NAA40: variants seen among roughly 807,000 people sequenced by gnomAD.
NAA40 encodes N-alpha-acetyltransferase 40.
A neutral mutation model predicts 36.6 loss-of-function variants in NAA40; 26 were observed. That is an observed-to-expected ratio of 0.71 (90% CI 0.52 to 0.98). The LOEUF (loss-of-function observed/expected upper bound fraction) is 0.98. NAA40 is among the 50% of genes least tolerant of loss of function. The pLI is 0.00. For missense variants in NAA40, 237 were observed against 306.5 expected (o/e 0.77, Z 1.69); for synonymous variants, 129 against 108.4 (o/e 1.19, Z -1.18).
chr11:63,950,921 G>A (rs1366182599), intron 3 of NAA40, among the ~76,000 whole-genome samples: 2 of 152,160 alleles, frequency 1.3e-5, no homozygotes, highest in African/African-American at 4.8e-5. Flanking sequence ...TGGAGAATTC[G>A]TACCTGCAGG....
chr11:63,942,795 A>T (rs772494895), intron 1 of NAA40, among the ~76,000 whole-genome samples: 1 of 152,128 alleles, frequency 6.6e-6, no homozygotes, highest in East Asian at 1.9e-4. Flanking sequence ...CAGGCAGCGG[A>T]GCTCGTAAGG....
intron 1 of NAA40, among the ~76,000 whole-genome samples, chr11:63,939,722 G>C (rs1276317786): frequency 6.6e-6 from 1 of 152,158 alleles, no homozygotes; most frequent in African/African-American, 2.4e-5. Flanking sequence ...GACGCCTCCT[G>C]GTTGCAATGA....
At chr11:63,944,352 A>G (rs1159681017) in intron 1 of NAA40, among the ~76,000 whole-genome samples, 1 of 152,164 alleles carries the variant, frequency 6.6e-6, no homozygotes, top group Non-Finnish European at 1.5e-5. Context: ...GGGAGGTGTC[A>G]AAAGAGGCTG....
chr11:63,947,615 A>G (rs1364706075), intron 3 of NAA40, among the ~76,000 whole-genome samples: 1 of 151,328 alleles, frequency 6.6e-6, no homozygotes, highest in African/African-American at 2.4e-5. Context: ...CAGTGACGCA[A>G]TCTCGGCTCA....
At chr11:63,950,654 G>T (rs1942265526) in intron 3 of NAA40, among the ~76,000 whole-genome samples, 1 of 151,648 alleles carries the variant, frequency 6.6e-6, no homozygotes, top group Non-Finnish European at 1.5e-5. Context: ...ATTAAAGATG[G>T]GGTTTCACTA....
rs1942357869 is a variant in NAA40 at position 63,955,917 on chromosome 11, C to G, written c.*1438C>G. 1 of 152,342 alleles carries G rather than the reference C, an allele frequency of 6.6e-6. No homozygotes were observed. The highest frequency in any genetic ancestry group is 1.5e-5 in the Non-Finnish European group (1 of 68,102). 9.4% of individuals were successfully genotyped at this position (152,342 alleles called of 1,614,324 possible). Reference sequence around the variant, plus strand: ...AGGTTCTAGCCTTCGTGAAGTTGTTCTCGTGGAGGTCTGTTGGTCCCTCTG... The same window carrying G: ...AGGTTCTAGCCTTCGTGAAGTTGTTGTCGTGGAGGTCTGTTGGTCCCTCTG... On this transcript the variant is annotated 3_prime_UTR_variant, in exon 8 of 8. Transcript: ENST00000377793.
intron 2 of NAA40, 165 bp from the exon 3 acceptor site, chr11:63,946,786 C>T: frequency 1.3e-6 from 2 of 1,543,808 alleles, no homozygotes; most frequent in Non-Finnish European, 8.7e-7. Context: ...CATGTGACTT[C>T]AGAGCTAGGC....
chr11:63,940,953 C>CTG (rs1942099243), intron 1 of NAA40, among the ~76,000 whole-genome samples: 1 of 152,156 alleles, frequency 6.6e-6, no homozygotes, highest in South Asian at 2.1e-4. Context: ...CCAGAAGCAG[C>CTG]CACTGCGGAT....
chr11:63,939,289 T>A, intron 1 of NAA40, 187 bp downstream of exon 1: 1 of 1,263,852 alleles, frequency 7.9e-7, no homozygotes, highest in Non-Finnish European at 1.0e-6. Context: ...GGGAATCCTC[T>A]GGAGAGCCCC....
chr11:63,940,092 C>T (rs1005332418), intron 1 of NAA40, among the ~76,000 whole-genome samples: 3 of 127,610 alleles, frequency 2.4e-5, no homozygotes, highest in Admixed American at 1.1e-4. Flanking sequence ...CTCTTGTCGC[C>T]GAAGCTGGAG....
intron 3 of NAA40, among the ~76,000 whole-genome samples, chr11:63,951,437 A>G (rs1368498977): frequency 2.0e-5 from 3 of 151,966 alleles, no homozygotes; most frequent in Non-Finnish European, 4.4e-5. Context: ...TCCGCCTCCC[A>G]GGTTCAAGCG....
chr11:63,952,780 G>C lies in NAA40; in HGVS notation c.435G>C (p.Lys145Asn). 6.2e-7 allele frequency: 1 copy of C among 1,614,140 alleles called. No individual in the cohort carries two copies. The highest frequency in any genetic ancestry group is 8.5e-7 in the Non-Finnish European group (1 of 1,180,036). ...LYCYEVQLES[K>N]VRRKGLGKFL... ...GCTATGAAGTGCAGTTGGAAAGCAA[G>C]GTGCGGCGGAAAGGCCTGGGGAAGT... The change falls in exon 6 of 8, where the codon AAG becomes AAC. Residue 145 changes from lysine (K) to asparagine (N), a missense_variant. Transcript: ENST00000377793.
At chr11:63,946,238 C>T in intron 2 of NAA40, 1 of 339,698 alleles carries the variant, frequency 2.9e-6, no homozygotes, top group Non-Finnish European at 5.5e-6. Flanking sequence ...CAGGGTCTCA[C>T]TCTGTCATCC....
Position 63,956,136 on chromosome 11 carries a change from G to GCTTAGAGA in NAA40, c.*1657_*1658insCTTAGAGA, listed in dbSNP as rs1356224040. On this transcript the variant is annotated 3_prime_UTR_variant, in exon 8 of 8. Coordinates refer to ENST00000377793, the MANE Select transcript of NAA40 (RefSeq NM_024771.4). ...GCTCTTGATGGGCAGCAGTGGGACT[G>GCTTAGAGA]GGAACTCCTTAGAGAGGGCCTTGCA... The GCTTAGAGA allele has an allele frequency of 6.5e-6, 1 of 152,728 alleles. No individual in the cohort carries two copies. Among genetic ancestry groups the GCTTAGAGA allele is most frequent in the African/African-American group, 2.4e-5 (1 of 41,450 alleles). 9.5% of individuals were successfully genotyped at this position (152,728 alleles called of 1,614,324 possible).
intron 2 of NAA40, chr11:63,946,533 G>T: frequency 3.5e-6 from 4 of 1,146,550 alleles, no homozygotes; most frequent in African/African-American, 3.2e-5. Context: ...CCCATTTTTT[G>T]GTCATTCTTT....
rs1249864439 is a variant in NAA40 at position 63,946,032 on chromosome 11, A to C, written c.102+97A>C. 21 of 1,062,854 alleles carry C rather than the reference A, an allele frequency of 2.0e-5. No homozygotes were observed. In the Admixed American group the frequency reaches 4.1e-4, roughly 21 times the overall value. The allele number at this position is 1,062,854 out of a possible 1,614,324, so 65.8% of individuals were successfully genotyped here. On this transcript the variant is annotated intron_variant, in intron 2 of 7. Transcript: ENST00000377793. ...CTCCACCCTGTGGCAGAATTGTGACACTACCCACCCACACCGCCTCTGCCT... is the reference window on the plus strand; with the variant it reads ...CTCCACCCTGTGGCAGAATTGTGACCCTACCCACCCACACCGCCTCTGCCT...
intron 3 of NAA40, among the ~76,000 whole-genome samples, chr11:63,950,117 T>G (rs575180447): frequency 2.9e-5 from 3 of 104,196 alleles, no homozygotes; most frequent in African/African-American, 1.4e-4. Context: ...TATGAGGTTT[T>G]TTTTGTTTTT....
At chr11:63,945,714 A>C in intron 1 of NAA40, 126 bp from the exon 2 acceptor site, 1 of 803,610 alleles carries the variant, frequency 1.2e-6, no homozygotes, top group Non-Finnish European at 2.1e-6. Context: ...GTGTGGCAGC[A>C]GAGGTGGGAA....
chr11:63,939,696 A>G (rs1565168447), intron 1 of NAA40, among the ~76,000 whole-genome samples: 1 of 151,990 alleles, frequency 6.6e-6, no homozygotes, highest in Non-Finnish European at 1.5e-5. Context: ...TTCCTTTCCC[A>G]TAGACTCCTG....
Sources: gnomAD v4.1 joint callset for allele counts (sites outside exome capture counted in the v4.1 genomes callset) on GRCh38, gnomAD v4.1.1 for gene constraint, MANE v1.5 for transcripts, NCBI Gene and HGNC (gene_info 2026-07-23, HGNC 2026-07-21) for gene names.